Variants in MKNK1 observed in about 807,000 individuals in gnomAD.
The protein encoded by MKNK1 is MAP kinase-interacting serine/threonine-protein kinase 1.
A neutral mutation model predicts 49.3 loss-of-function variants in MKNK1; 30 were observed. The ratio of observed to expected loss-of-function variants is 0.61; its 90% CI spans 0.46 to 0.83. The LOEUF is 0.83. Among genes scored for constraint, MKNK1 ranks in the 40% least tolerant of loss-of-function variants. The pLI is 0.00. For synonymous variants in MKNK1, 176 were observed against 201.7 expected (o/e 0.87, Z 1.08); for missense variants, 423 against 524.7 (o/e 0.81, Z 1.89).
chr1:46,575,892 G>A (rs1670877522), intron 5 of MKNK1: 1 of 152,266 alleles, frequency 6.6e-6, no homozygotes. Flanking sequence ...TGGAGGCAGT[G>A]CCTGGAGTTA....
intron 9 of MKNK1, among the ~76,000 whole-genome samples, chr1:46,564,545 C>T (rs1049533682): frequency 3.8e-5 from 5 of 131,328 alleles, no homozygotes; most frequent in Non-Finnish European, 7.6e-5. Context: ...GGTGCTATCT[C>T]GGCTCACCGC....
At chr1:46,565,197 AGGCATGGCTGTACGGG>A in intron 8 of MKNK1, 61 bp from the exon 9 acceptor site, 1 of 1,502,502 alleles carries the variant, frequency 6.7e-7, no homozygotes, top group Non-Finnish European at 9.3e-7. Context: ...AAGAGGAGCC[AGGCATGGCTGTACGGG>A]TGCATGGCTC....
At chr1:46,595,682 T>C (rs1031140856) in intron 1 of MKNK1, among the ~76,000 whole-genome samples, 1 of 152,232 alleles carries the variant, frequency 6.6e-6, no homozygotes, top group Non-Finnish European at 1.5e-5. Context: ...CCAGTAAAAC[T>C]GTTTCCAGGG....
Position 46,589,523 on chromosome 1 carries a change from T to C in MKNK1, c.-3+4590A>G, listed in dbSNP as rs1375869300. Among the ~76,000 whole-genome samples the C allele has an allele frequency of 3.3e-5, 5 of 152,228 alleles. No homozygotes were observed. Among genetic ancestry groups the C allele is most frequent in the South Asian group, 2.1e-4 (1 of 4,834 alleles). ...GTCTCCATTCCTAGGCATACGTTTA[T>C]CTTGTTTTCTCCATTAAAATAGGAA... On this transcript the variant is annotated intron_variant, in intron 2 of 12. Transcript: ENST00000371945. The surrounding 1 kb of genome is among the most constrained non-coding windows in gnomAD (Gnocchi z 4.3).
chr1:46,578,952 C>T (rs898002216), intron 4 of MKNK1, among the ~76,000 whole-genome samples: 1 of 152,042 alleles, frequency 6.6e-6, no homozygotes, highest in African/African-American at 2.4e-5. Flanking sequence ...ATGGGTTTCA[C>T]CATGTTGGCC....
At chr1:46,597,217 C>T (rs1420741069) in intron 1 of MKNK1, among the ~76,000 whole-genome samples, 1 of 150,554 alleles carries the variant, frequency 6.6e-6, no homozygotes, top group Non-Finnish European at 1.5e-5. Flanking sequence ...AATTCTCTCT[C>T]AATTGTTCAT....
At chr1:46,591,407 A>T (rs1446499565) in intron 2 of MKNK1, among the ~76,000 whole-genome samples, 1 of 152,202 alleles carries the variant, frequency 6.6e-6, no homozygotes, top group East Asian at 1.9e-4. Flanking sequence ...CCTAGAGACA[A>T]AAGGTCACAA....
At chr1:46,568,121 CAA>C (rs10711362) in intron 8 of MKNK1, 1,649 of 141,818 alleles carry the variant, frequency 0.012, no homozygotes, top group South Asian at 0.026. Context: ...GACCCCGTCT[CAA>C]AAAAAAAAAA....
At chr1:46,575,271 A>T (rs1297158687) in intron 5 of MKNK1, 1 of 418,274 alleles carries the variant, frequency 2.4e-6, no homozygotes, top group Admixed American at 4.2e-5. Context: ...GTCAAACCCC[A>T]GCCCTAAAAC....
chr1:46,564,185 A>G (rs1327106596), intron 9 of MKNK1, among the ~76,000 whole-genome samples: 1 of 152,070 alleles, frequency 6.6e-6, no homozygotes, highest in Admixed American at 6.6e-5. Flanking sequence ...CCATCTGGTC[A>G]TGAAATGTGA....
chr1:46,594,853 C>G (rs950695260), intron 1 of MKNK1: 24 of 417,136 alleles, frequency 5.8e-5, no homozygotes, highest in Admixed American at 4.5e-4. Context: ...ATTAGCCAGG[C>G]ATGGTGGCAC....
At chr1:46,564,493 T>TTTTTGGAAG (rs1668698960) in intron 9 of MKNK1, among the ~76,000 whole-genome samples, 1 of 91,510 alleles carries the variant, frequency 1.1e-5, no homozygotes, top group Non-Finnish European at 2.7e-5. Context: ...TTTTTTTTTT[T>TTTTTGGAAG]GAGACGGAGT....
intron 1 of MKNK1, among the ~76,000 whole-genome samples, chr1:46,599,563 T>G (rs1331322677): frequency 1.3e-5 from 2 of 152,200 alleles, no homozygotes; most frequent in African/African-American, 4.8e-5. Flanking sequence ...TGATTCACCG[T>G]TTAAGCCTCT....
chr1:46,578,827 C>T (rs989996098), intron 4 of MKNK1, among the ~76,000 whole-genome samples: 7 of 150,524 alleles, frequency 4.7e-5, no homozygotes, highest in African/African-American at 7.3e-5. Context: ...GATCTCGGCT[C>T]ACTGTGCAAC....
rs1219551807 is a variant in MKNK1, at chr1:46,557,477, A to G, written c.*1098T>C. The G allele has an allele frequency of 1.3e-5, 2 of 152,668 alleles. No individual in the cohort carries two copies. Among genetic ancestry groups the G allele is most frequent in the Non-Finnish European group, 2.9e-5 (2 of 68,042 alleles). The allele number at this position is 152,668 out of a possible 1,614,324, so 9.5% of individuals were successfully genotyped here. ...ATAAAAGCACCGTGGTGTTGTATAA[A>G]CGTCTGCCTGACAAATGCAAATCTA... On this transcript the variant is annotated 3_prime_UTR_variant, in exon 13 of 13. Coordinates refer to ENST00000371945, the MANE Select transcript of MKNK1 (RefSeq NM_001135553.4).
intron 10 of MKNK1, 46 bp downstream of exon 10, chr1:46,562,603 T>C: frequency 6.6e-7 from 1 of 1,524,276 alleles, no homozygotes; most frequent in Non-Finnish European, 8.8e-7. Context: ...CCAACCACAC[T>C]GACCCCTAGC....
At chr1:46,597,265 G>A (rs1674191639) in intron 1 of MKNK1, among the ~76,000 whole-genome samples, 1 of 149,600 alleles carries the variant, frequency 6.7e-6, no homozygotes, top group Non-Finnish European at 1.5e-5. Context: ...TTTCTTCAGT[G>A]CTTAAGAACT....
chr1:46,563,913 C>T (rs1194214311), intron 9 of MKNK1, among the ~76,000 whole-genome samples: 4 of 97,404 alleles, frequency 4.1e-5, no homozygotes, highest in Non-Finnish European at 8.8e-5. Context: ...GGCGTGGTGG[C>T]GGGCGCCTGT....
chr1:46,594,964 G>A (rs768567025), intron 1 of MKNK1: 13 of 254,018 alleles, frequency 5.1e-5, no homozygotes, highest in South Asian at 2.4e-4. Context: ...TCCAACCTGG[G>A]TGACAGAGCG....
Sources: allele counts gnomAD v4.1 joint callset (sites outside exome capture counted in the v4.1 genomes callset), GRCh38; gene constraint gnomAD v4.1.1; non-coding constraint Gnocchi (gnomAD v3.1); transcripts MANE v1.5; gene names NCBI Gene and HGNC (gene_info 2026-07-23, HGNC 2026-07-21).